Variants in MCTP2 observed in about 807,000 individuals in gnomAD.
MCTP2 encodes multiple C2 and transmembrane domain containing 2, also known as multiple C2 and transmembrane domain-containing protein 2.
MCTP2 carries 132 observed loss-of-function variants against 111.6 expected under a neutral mutation model. That is an observed-to-expected ratio of 1.18 (90% CI 1.03 to 1.37). The LOEUF is 1.37. Ranked by LOEUF, MCTP2 falls within the 40% of genes most tolerant of loss-of-function variation. The pLI, the probability that MCTP2 is intolerant of heterozygous loss-of-function variation, is 0.00. For synonymous variants in MCTP2, 395 were observed against 387.7 expected, an observed-to-expected ratio of 1.02 and a Z score of -0.22; for missense variants, 1,183 against 1,067.9, an observed-to-expected ratio of 1.11 and a Z score of -1.50.
intron 1 of MCTP2, among the ~76,000 whole-genome samples, chr15:94,265,194 A>C (rs534517144): frequency 6.6e-6 from 1 of 152,166 alleles, no homozygotes; most frequent in Non-Finnish European, 1.5e-5. Context: ...GCTTTTGATG[A>C]TGGGATTGCC....
chr15:94,367,500 A>G (rs2079253174), intron 10 of MCTP2, 105 bp from the exon 11 acceptor site: 1 of 858,680 alleles, frequency 1.2e-6, no homozygotes, highest in East Asian at 2.7e-5. Flanking sequence ...GACCAGACAG[A>G]GTGAGTTTTG....
At position 94,340,847 on chromosome 15, in the gene MCTP2, A is replaced by G. The variant is rs965910434; in HGVS notation, c.892A>G (p.Asn298Asp). ...ACATATTTTAAAACTGGAAGATCCA[A>G]ACAGTTTAGAAGATGACATGGGAGT... ...TEHILKLEDP[N>D]SLEDDMGVIV... Residue 298 changes from asparagine to aspartate, a missense_variant, in exon 7 of 23, where the codon AAC (asparagine) becomes GAC (aspartate). Transcript: ENST00000357742. The G allele has an allele frequency of 1.2e-6, 2 of 1,612,512 alleles. No homozygotes were observed. Among genetic ancestry groups the G allele is most frequent in the African/African-American group, 1.3e-5 (1 of 74,950 alleles).
chr15:94,468,039 T>G (rs1361478547), intron 20 of MCTP2, among the ~76,000 whole-genome samples: 1 of 151,568 alleles, frequency 6.6e-6, no homozygotes, highest in Non-Finnish European at 1.5e-5. Context: ...ACTGATAAAT[T>G]TGTTCATGCG....
chr15:94,232,103 G>A (rs1321704331), intron 1 of MCTP2: 1 of 152,106 alleles, frequency 6.6e-6, no homozygotes, highest in African/African-American at 2.4e-5. Flanking sequence ...CAACGACACC[G>A]GAGCAGAAAT....
chr15:94,353,031 G>GT (rs904368902), intron 8 of MCTP2, among the ~76,000 whole-genome samples: 2 of 152,190 alleles, frequency 1.3e-5, no homozygotes, highest in Admixed American at 1.3e-4. Flanking sequence ...GGTATAATAA[G>GT]TAGAATAAAG....
chr15:94,464,528 C>A (rs1466932316), intron 20 of MCTP2, among the ~76,000 whole-genome samples: 1 of 150,962 alleles, frequency 6.6e-6, no homozygotes, highest in Non-Finnish European at 1.5e-5. Context: ...CTTCACTAAT[C>A]TTCTCTATTT....
In MCTP2 at chr15:94,440,713, T is replaced by G. The variant is rs1223656908; in HGVS notation, c.2208+415T>G. Among the ~76,000 whole-genome samples the G allele has an allele frequency of 2.0e-5, 3 of 152,308 alleles. No homozygotes were observed. In the East Asian group the frequency reaches 5.8e-4, roughly 29 times the overall value. On this transcript the variant is annotated intron_variant, in intron 18 of 22. Transcript: ENST00000357742. The stretch of plus-strand genomic sequence containing the variant: ...CTTTCCATGAAGGCACCTTATGCAA[T>G]GTTCTCTCTGGCTTGAAGGCTCAGG...
At position 94,315,531 on chromosome 15, in the gene MCTP2, A is replaced by ACC; in HGVS notation, c.532_533dup (p.Gly179ArgfsTer8). Reference sequence around the variant, plus strand: ...AACTGCCTTCTCCATCTGTGCAGGTACCGGGGGAAGCCAGTGATGGCTTGA... The same window carrying ACC: ...AACTGCCTTCTCCATCTGTGCAGGTACCCCGGGGGAAGCCAGTGATGGCTTGA... On this transcript the variant is annotated frameshift_variant, in exon 4 of 23. Coordinates refer to ENST00000357742, the MANE Select transcript of MCTP2 (RefSeq NM_001385001.1). LOFTEE classifies it high-confidence loss of function. The ACC allele has an allele frequency of 6.2e-7, 1 of 1,612,870 alleles. No individual in the cohort carries two copies. The highest frequency in any genetic ancestry group is 8.5e-7 in the Non-Finnish European group (1 of 1,178,982).
At chr15:94,332,349 AC>A (rs1362670083) in intron 4 of MCTP2, among the ~76,000 whole-genome samples, 1 of 152,212 alleles carries the variant, frequency 6.6e-6, no homozygotes, top group Non-Finnish European at 1.5e-5. Context: ...TCTTTTCCCA[AC>A]AAAAAGAGAA....
Position 94,340,869 on chromosome 15 carries a change from G to T in MCTP2, c.914G>T (p.Gly305Val), listed in dbSNP as rs1567469239. Residue 305 changes from glycine (G) to valine (V), a missense_variant, in exon 7 of 23, where the codon GGA becomes GTA. Physicochemically the swap from Gly to Val is moderately radical, Grantham distance 109. Transcript: ENST00000357742. The part of the protein sequence containing the change: ...EDPNSLEDDM[G>V]VIVLNLNLVV... ...CCAAACAGTTTAGAAGATGACATGG[G>T]AGTGATCGTGTTAAATTTGAACCTA... 6.2e-7 allele frequency: 1 copy of T among 1,613,330 alleles called. No homozygotes were observed. Among genetic ancestry groups the T allele is most frequent in the Non-Finnish European group, 8.5e-7 (1 of 1,179,412 alleles).
intron 14 of MCTP2, among the ~76,000 whole-genome samples, chr15:94,393,417 G>T (rs2081103443): frequency 6.6e-6 from 1 of 152,136 alleles, no homozygotes; most frequent in East Asian, 1.9e-4. Context: ...TGGTAATTTG[G>T]TTGCTTACCA....
At chr15:94,242,921 G>GTACACATATACACGTGTATGTGTAGA (rs2071089068) in intron 1 of MCTP2, among the ~76,000 whole-genome samples, 1 of 143,624 alleles carries the variant, frequency 7.0e-6, no homozygotes, top group African/African-American at 2.6e-5. Flanking sequence ...ACATATACAC[G>GTACACATATACACGTGTATGTGTAGA]TACACATATA....
At chr15:94,456,098 C>A (rs571369145) in intron 19 of MCTP2, among the ~76,000 whole-genome samples, 26 of 152,080 alleles carry the variant, frequency 1.7e-4, no homozygotes, top group Non-Finnish European at 2.5e-4. Context: ...CATCAATAAT[C>A]AAAAATTAAT....
At chr15:94,459,406 C>A (rs2085048466) in intron 20 of MCTP2, among the ~76,000 whole-genome samples, 2 of 152,118 alleles carry the variant, frequency 1.3e-5, no homozygotes, top group South Asian at 4.1e-4. Context: ...CTCAGTTGCA[C>A]AGCCAATGAC....
rs572731810 is a variant in MCTP2 at position 94,388,862 on chromosome 15, C to G, written c.1788+3337C>G. Among the ~76,000 whole-genome samples, 25 of 152,288 alleles carry G rather than the reference C, an allele frequency of 1.6e-4. 1 individual carries two copies. Among genetic ancestry groups the G allele is most frequent in the Admixed American group, 6.5e-4 (10 of 15,294 alleles). The stretch of plus-strand genomic sequence containing the variant: ...AGGTGGTCTCATACTAAAGCCTGAG[C>G]TCCTAAGAGTTTGTTATATTGCCAC... On this transcript the variant is annotated intron_variant, in intron 14 of 22. Coordinates refer to ENST00000357742, the MANE Select transcript of MCTP2 (RefSeq NM_001385001.1).
intron 1 of MCTP2, among the ~76,000 whole-genome samples, chr15:94,272,878 T>A (rs2073983850): frequency 6.6e-6 from 1 of 152,246 alleles, no homozygotes; most frequent in Non-Finnish European, 1.5e-5. Context: ...TCCATTACCA[T>A]GCCTCCAATT....
At chr15:94,246,582 C>A (rs1185840881) in intron 1 of MCTP2, among the ~76,000 whole-genome samples, 2 of 152,096 alleles carry the variant, frequency 1.3e-5, no homozygotes, top group African/African-American at 4.8e-5. Flanking sequence ...CTAATAATTG[C>A]TTCATATTTA....
intron 17 of MCTP2, among the ~76,000 whole-genome samples, chr15:94,436,079 T>C (rs962224674): frequency 2.0e-5 from 3 of 152,200 alleles, no homozygotes; most frequent in African/African-American, 7.2e-5. Context: ...TTTAGCGGCA[T>C]TCACATACTG....
chr15:94,352,930 G>A (rs910056635), intron 8 of MCTP2, among the ~76,000 whole-genome samples: 1 of 152,196 alleles, frequency 6.6e-6, no homozygotes, highest in Non-Finnish European at 1.5e-5. Flanking sequence ...ATTAAGAGAC[G>A]TCTTTAAAGT....
Sources: allele counts gnomAD v4.1 joint callset (sites outside exome capture counted in the v4.1 genomes callset), GRCh38; gene constraint gnomAD v4.1.1; transcripts MANE v1.5; gene names NCBI Gene and HGNC (gene_info 2026-07-23, HGNC 2026-07-21).